Variants in BCAR3 observed in about 807,000 individuals in gnomAD.
BCAR3 encodes the protein breast cancer anti-estrogen resistance protein 3.
In BCAR3, 37 loss-of-function variants were observed where a neutral mutation model predicts 80.1. The observed-to-expected ratio is 0.46, with a 90% confidence interval of 0.36 to 0.61. BCAR3 has a LOEUF of 0.61. BCAR3 is among the 20% of genes least tolerant of loss of function. The pLI is 0.00. For synonymous variants in BCAR3, 389 were observed against 418.9 expected (o/e 0.93, Z 0.87); for missense variants, 978 against 1,068.2 (o/e 0.92, Z 1.18).
chr1:93,570,199 C>T (rs1370054906), intron 9 of BCAR3, among the ~76,000 whole-genome samples: 6 of 152,158 alleles, frequency 3.9e-5, no homozygotes, highest in African/African-American at 1.4e-4. Flanking sequence ...GGTGACCTTG[C>T]TTTAATGCAA....
At chr1:93,575,338 G>C (rs1424054560) in intron 8 of BCAR3, among the ~76,000 whole-genome samples, 1 of 152,190 alleles carries the variant, frequency 6.6e-6, no homozygotes, top group Admixed American at 6.5e-5. Flanking sequence ...TGTCAAAAAG[G>C]CTGGCTTTGT....
intron 7 of BCAR3, among the ~76,000 whole-genome samples, chr1:93,578,077 G>C (rs963021251): frequency 6.6e-6 from 1 of 152,192 alleles, no homozygotes; most frequent in East Asian, 1.9e-4. Flanking sequence ...ACAGGGCAGG[G>C]TGGCAGAAGC....
At chr1:93,768,269 T>TTGTGTG (rs112490025) in intron 2 of BCAR3, among the ~76,000 whole-genome samples, 8,224 of 126,776 alleles carry the variant, frequency 0.065, 322 homozygotes, top group African/African-American at 0.14. Context: ...GTGTGTGTGT[T>TTGTGTG]TGTGTGTGTG....
At chr1:93,753,888 C>CAA (rs1414476393) in intron 2 of BCAR3, 1 of 152,320 alleles carries the variant, frequency 6.6e-6, no homozygotes, top group African/African-American at 2.4e-5. Context: ...CACACACACA[C>CAA]ACACACACAT....
At chr1:93,611,756 C>T (rs1284862769) in intron 3 of BCAR3, among the ~76,000 whole-genome samples, 1 of 152,212 alleles carries the variant, frequency 6.6e-6, no homozygotes, top group Non-Finnish European at 1.5e-5. Context: ...TAATCATTCT[C>T]CTATGTAAGG....
chr1:93,777,414 T>TCCTCCTTCTCCTCCTCCTCTTCC (rs1557685179), intron 2 of BCAR3, among the ~76,000 whole-genome samples: 1 of 113,162 alleles, frequency 8.8e-6, no homozygotes. Flanking sequence ...CCTCCTCCTC[T>TCCTCCTTCTCCTCCTCCTCTTCC]TCCTCCTCCT....
chr1:93,842,865 A>G (rs1655007479), intron 2 of BCAR3, among the ~76,000 whole-genome samples: 1 of 152,156 alleles, frequency 6.6e-6, no homozygotes, highest in South Asian at 2.1e-4. Context: ...TTCATCCTGG[A>G]AAATTTTCTT....
chr1:93,845,459 A>AT (rs1161507337), intron 2 of BCAR3: 6 of 101,592 alleles, frequency 5.9e-5, no homozygotes, highest in South Asian at 6.2e-4. Context: ...GGGCATAACA[A>AT]TTTTATATAT....
At chr1:93,610,537 T>G (rs943834883) in intron 3 of BCAR3, among the ~76,000 whole-genome samples, 1 of 152,182 alleles carries the variant, frequency 6.6e-6, no homozygotes, top group Non-Finnish European at 1.5e-5. Flanking sequence ...CCCTGAAGCT[T>G]TCCTAAAAAC....
intron 2 of BCAR3, among the ~76,000 whole-genome samples, chr1:93,783,573 A>T (rs1377188650): frequency 1.3e-5 from 2 of 152,260 alleles, no homozygotes; most frequent in African/African-American, 4.8e-5. Flanking sequence ...AAATAATTGC[A>T]ATGAAATATT....
chr1:93,714,385 T>C (rs1370327228), intron 2 of BCAR3, among the ~76,000 whole-genome samples: 4 of 152,232 alleles, frequency 2.6e-5, no homozygotes, highest in Non-Finnish European at 5.9e-5. Flanking sequence ...CACCATCTTA[T>C]TGACTACTGT....
intron 2 of BCAR3, among the ~76,000 whole-genome samples, chr1:93,662,334 G>A (rs1647699536): frequency 1.3e-5 from 2 of 152,148 alleles, no homozygotes; most frequent in South Asian, 2.1e-4. Flanking sequence ...GTGTGTGGCT[G>A]TTTAGCCAAA....
chr1:93,749,053 G>C (rs906594437), intron 2 of BCAR3, among the ~76,000 whole-genome samples: 1 of 152,058 alleles, frequency 6.6e-6, no homozygotes, highest in Non-Finnish European at 1.5e-5. Context: ...ATTAACTACA[G>C]GGCATTATAT....
At chr1:93,773,356 C>A (rs901572857) in intron 2 of BCAR3, among the ~76,000 whole-genome samples, 9 of 152,126 alleles carry the variant, frequency 5.9e-5, no homozygotes, top group African/African-American at 2.2e-4. Flanking sequence ...GAATGCTTAA[C>A]AAAAGCTTCT....
At chr1:93,700,143 A>C (rs933256857) in intron 3 of BCAR3, among the ~76,000 whole-genome samples, 1 of 152,188 alleles carries the variant, frequency 6.6e-6, no homozygotes, top group Non-Finnish European at 1.5e-5. Context: ...TGCCAATTGC[A>C]CTTCACCCAG....
At chr1:93,757,337 C>G (rs959060538) in intron 2 of BCAR3, among the ~76,000 whole-genome samples, 1 of 152,134 alleles carries the variant, frequency 6.6e-6, no homozygotes, top group Admixed American at 6.5e-5. Flanking sequence ...GCAGCTCCCC[C>G]CATTTTCTCT....
At chr1:93,721,123 G>A (rs1056767437) in intron 2 of BCAR3, among the ~76,000 whole-genome samples, 3 of 152,172 alleles carry the variant, frequency 2.0e-5, no homozygotes, top group African/African-American at 7.2e-5. Context: ...AGACTGGAAG[G>A]GTGGCATCTA....
chr1:93,760,879 T>C (rs931083946), intron 2 of BCAR3, among the ~76,000 whole-genome samples: 3 of 152,192 alleles, frequency 2.0e-5, no homozygotes, highest in South Asian at 2.1e-4. Flanking sequence ...AGGTCTCTGA[T>C]TGGCCAGATT....
At chr1:93,651,993 A>T (rs79190607) in intron 2 of BCAR3, among the ~76,000 whole-genome samples, 1 of 152,240 alleles carries the variant, frequency 6.6e-6, no homozygotes, top group African/African-American at 2.4e-5. Flanking sequence ...GGCCAAAAAA[A>T]GTTAGGCAAA....
Sources: allele counts gnomAD v4.1 joint callset (sites outside exome capture counted in the v4.1 genomes callset), GRCh38; gene constraint gnomAD v4.1.1; transcripts MANE v1.5; gene names NCBI Gene and HGNC (gene_info 2026-07-23, HGNC 2026-07-21).